The following MICAL3 variants were observed in gnomAD, a reference collection of about 807,000 sequenced individuals.
MICAL3 encodes the protein [F-actin]-monooxygenase MICAL3.
Under a neutral mutation model 207.4 loss-of-function variants are expected in MICAL3, and 62 were observed. The ratio of observed to expected loss-of-function variants is 0.30; its 90% CI spans 0.24 to 0.37. The LOEUF (loss-of-function observed/expected upper bound fraction) is 0.37. MICAL3 is among the 10% of genes least tolerant of loss of function. The probability of loss-of-function intolerance (pLI) is 1.00; values close to 1 mark genes in which losing one functional copy is unlikely to be tolerated. For synonymous variants in MICAL3, 1,077 were observed against 1,069.3 expected (o/e 1.01, Z -0.14); for missense variants, 2,368 against 2,635.6 (o/e 0.90, Z 2.22).
intron 6 of MICAL3, 86 bp from the exon 7 acceptor site, chr22:17,899,634 C>T: frequency 1.2e-6 from 1 of 832,162 alleles, no homozygotes; most frequent in Non-Finnish European, 2.0e-6. Flanking sequence ...CACAGGCCTA[C>T]AGAGACAAGG....
chr22:17,803,716 G>C, intron 29 of MICAL3: 1 of 578,728 alleles, frequency 1.7e-6, no homozygotes, highest in Non-Finnish European at 2.2e-6. Flanking sequence ...TTATTGGGTT[G>C]ATTTCTCCTT....
rs1296790974 is a variant in MICAL3, at chr22:17,891,501, A to G, written c.1678T>C (p.Tyr560His). 3.6e-5 allele frequency: 58 copies of G among 1,613,936 alleles called. No individual in the cohort carries two copies. Among genetic ancestry groups the G allele is most frequent in the Non-Finnish European group, 4.7e-5 (55 of 1,179,906 alleles). The change falls in exon 12 of 32, where the codon TAC becomes CAC. Residue 560 changes from tyrosine (Y) to histidine (H), a missense_variant. This residue lies in a region of MICAL3 where 51 missense variants were observed against 87.8 expected (regional missense o/e 0.58). Coordinates refer to ENST00000441493, the MANE Select transcript of MICAL3 (RefSeq NM_015241.3). ...GLALCAIIHR[Y>H]RPDLIDFDSL... ...ACAACTTACATCAGGTCAGGGCGGT[A>G]TCTATGGATAATTGCACAAAGGGCC...
intron 1 of MICAL3, among the ~76,000 whole-genome samples, chr22:17,920,108 C>T (rs190247172): frequency 5.9e-4 from 90 of 152,360 alleles, no homozygotes; most frequent in African/African-American, 2.1e-3. Context: ...AGGGTTACTG[C>T]GCATTTCATA....
At chr22:17,974,625 G>A (rs1042261690) in intron 1 of MICAL3, among the ~76,000 whole-genome samples, 2 of 151,882 alleles carry the variant, frequency 1.3e-5, no homozygotes, top group Admixed American at 6.6e-5. Context: ...TTGGGAGGCT[G>A]AGGCAGGAGA....
chr22:17,934,469 G>A (rs1187386841), intron 1 of MICAL3, among the ~76,000 whole-genome samples: 7 of 151,964 alleles, frequency 4.6e-5, no homozygotes, highest in African/African-American at 1.4e-4. Context: ...AAAATAATAA[G>A]AGTTATTTAT....
intron 20 of MICAL3, among the ~76,000 whole-genome samples, chr22:17,838,224 G>A (rs1923605829): frequency 6.6e-6 from 1 of 152,186 alleles, no homozygotes; most frequent in South Asian, 2.1e-4. Context: ...GGGAACTTTT[G>A]AGAACTAAAA....
chr22:17,989,669 T>TCAACA (rs1169586146), intron 1 of MICAL3, among the ~76,000 whole-genome samples: 1 of 152,090 alleles, frequency 6.6e-6, no homozygotes, highest in Non-Finnish European at 1.5e-5. Context: ...CCCACAGAAG[T>TCAACA]CAACATGGTC....
intron 29 of MICAL3, among the ~76,000 whole-genome samples, chr22:17,799,899 T>A (rs1296667777): frequency 1.4e-5 from 2 of 147,712 alleles, no homozygotes; most frequent in Admixed American, 1.3e-4. Context: ...AATTACAATC[T>A]AAAACACACA....
chr22:17,885,991 T>C lies in MICAL3; in HGVS notation c.2128A>G (p.Arg710Gly). Residue 710 changes from arginine (R) to glycine (G), a missense_variant, in exon 16 of 32, where the codon AGG becomes GGG. By Grantham distance (125) the Arg-to-Gly change is moderately radical (BLOSUM62 -2). Around this residue, in one of 4 missense-constraint regions of MICAL3, gnomAD observed 1,770 missense variants for 1,863.2 expected, o/e 0.95. Transcript: ENST00000441493. The part of the protein sequence containing the change: ...RPTLVSTLTD[R>G]RMDVAVGNQN... ...TTCCCAACGGCAACGTCCATCCTCC[T>C]GTCTGTCAGAGTGCTCACCAGGGTC... The C allele has an allele frequency of 6.2e-7, 1 of 1,614,044 alleles. No homozygotes were observed.
Position 17,871,881 on chromosome 22 carries a change from G to A in MICAL3, c.2384C>T (p.Ala795Val). 1 of 1,611,352 alleles carries A rather than the reference G, an allele frequency of 6.2e-7. No individual in the cohort carries two copies. The highest frequency in any genetic ancestry group is 8.5e-7 in the Non-Finnish European group (1 of 1,178,938). The part of the protein sequence containing the change: ...HRSCFKCEYC[A>V]TTLRLSAYAY... ...GTAGGCCGAGAGGCGCAGGGTGGTG[G>A]CGCAGTACTCGCACTTGAAGCAGCT... Residue 795 changes from alanine to valine, a missense_variant, in exon 17 of 32, where the codon GCC becomes GTC. Coordinates refer to ENST00000441493, the MANE Select transcript of MICAL3 (RefSeq NM_015241.3).
At chr22:17,877,458 A>AT in intron 16 of MICAL3, among the ~76,000 whole-genome samples, 2 of 94,340 alleles carry the variant, frequency 2.1e-5, no homozygotes, top group African/African-American at 4.8e-5. Context: ...TATGGAGGTT[A>AT]GGGAGATTAT....
At chr22:17,919,079 T>TTTTTTTTTG (rs1932723471) in intron 1 of MICAL3, among the ~76,000 whole-genome samples, 1 of 150,310 alleles carries the variant, frequency 6.7e-6, no homozygotes, top group African/African-American at 2.5e-5. Flanking sequence ...TTTGTGGGTT[T>TTTTTTTTTG]TTTTTTTTTT....
At chr22:17,947,938 CCAGA>C (rs1366886539) in intron 1 of MICAL3, among the ~76,000 whole-genome samples, 4 of 152,002 alleles carry the variant, frequency 2.6e-5, no homozygotes, top group African/African-American at 9.7e-5. Context: ...GTGTCTCCTA[CCAGA>C]CAGACATTAT....
At chr22:17,827,957 G>A (rs1328276108) in intron 21 of MICAL3, among the ~76,000 whole-genome samples, 176 bp from the exon 22 acceptor site, 6 of 137,136 alleles carry the variant, frequency 4.4e-5, no homozygotes, top group African/African-American at 8.5e-5. Context: ...ACACACAGAC[G>A]CATGGACACA....
At position 18,004,912 on chromosome 22, in the gene MICAL3, A is replaced by T. The variant is rs561887759; in HGVS notation, c.-75+19369T>A. ...GAAAGATAATCTCATATATTTACTT[A>T]TTTATTTTTATTTTTATTTTGTTTT... On this transcript the variant is annotated intron_variant, in intron 1 of 31. Transcript: ENST00000441493. 8 of 150,198 alleles carry T rather than the reference A, an allele frequency of 5.3e-5. No homozygotes were observed. In the East Asian group the frequency reaches 1.6e-3, roughly 30 times the overall value. 9.3% of individuals were successfully genotyped at this position (150,198 alleles called of 1,614,324 possible).
chr22:17,985,030 G>A (rs151299174), intron 1 of MICAL3, among the ~76,000 whole-genome samples: 3,619 of 152,296 alleles, frequency 0.024, 81 homozygotes, highest in African/African-American at 0.056. Context: ...GGAGCACGGA[G>A]GGAAGGAGAC....
At chr22:17,847,621 G>A (rs1353914241) in intron 19 of MICAL3, among the ~76,000 whole-genome samples, 2 of 152,218 alleles carry the variant, frequency 1.3e-5, no homozygotes, top group African/African-American at 4.8e-5. Context: ...GGGGCCGACC[G>A]TGACCACCTT....
chr22:17,820,584 G>C (rs1386547055), intron 25 of MICAL3, among the ~76,000 whole-genome samples: 2 of 152,148 alleles, frequency 1.3e-5, no homozygotes, highest in South Asian at 2.1e-4. Flanking sequence ...TCGATCTCCT[G>C]ACCTCGTGAT....
At chr22:17,945,961 G>A (rs1934046679) in intron 1 of MICAL3, among the ~76,000 whole-genome samples, 1 of 152,290 alleles carries the variant, frequency 6.6e-6, no homozygotes, top group Admixed American at 6.5e-5. Flanking sequence ...GCAGACACAG[G>A]CCCAGAGGGA....
Sources: allele counts gnomAD v4.1 joint callset (sites outside exome capture counted in the v4.1 genomes callset), GRCh38; gene constraint gnomAD v4.1.1; regional missense constraint gnomAD v4.1.1; transcripts MANE v1.5; gene names NCBI Gene and HGNC (gene_info 2026-07-23, HGNC 2026-07-21).